NRCAM: variants seen among roughly 807,000 people sequenced by gnomAD.
NRCAM encodes the protein neuronal cell adhesion molecule.
A neutral mutation model predicts 156.5 loss-of-function variants in NRCAM; 83 were observed. The observed-to-expected ratio is 0.53, with a 90% CI of 0.44 to 0.64. The LOEUF is 0.64. Ranked by LOEUF, NRCAM falls within the 30% of genes least tolerant of loss-of-function variation. NRCAM has a pLI of 0.00. For missense variants in NRCAM, 1,417 were observed against 1,597.3 expected, an observed-to-expected ratio of 0.89 and a Z score of 1.92; for synonymous variants, 538 against 563.9, an observed-to-expected ratio of 0.95 and a Z score of 0.65.
At chr7:108,191,676 T>A in intron 18 of NRCAM, 53 bp downstream of exon 18, 1 of 1,542,412 alleles carries the variant, frequency 6.5e-7, no homozygotes, top group South Asian at 1.2e-5. Flanking sequence ...TTATTTTTTC[T>A]TTTCAACCAA....
At chr7:108,224,387 CA>C (rs1293182780) in intron 10 of NRCAM, among the ~76,000 whole-genome samples, 1 of 152,012 alleles carries the variant, frequency 6.6e-6, no homozygotes, top group Non-Finnish European at 1.5e-5. Context: ...GAGTTACTGA[CA>C]GAGGTCTTGC....
chr7:108,302,394 G>A (rs1049217486), intron 3 of NRCAM, among the ~76,000 whole-genome samples: 1 of 152,052 alleles, frequency 6.6e-6, no homozygotes, highest in Non-Finnish European at 1.5e-5. Flanking sequence ...TGGAGTCCCC[G>A]AGAAACCACT....
chr7:108,350,994 G>A (rs2099408350), intron 2 of NRCAM, among the ~76,000 whole-genome samples: 1 of 152,148 alleles, frequency 6.6e-6, no homozygotes. Flanking sequence ...GCACAGAATA[G>A]TTGCTTTATA....
chr7:108,387,695 C>G (rs1036469376), intron 2 of NRCAM, among the ~76,000 whole-genome samples: 1 of 151,678 alleles, frequency 6.6e-6, no homozygotes, highest in African/African-American at 2.4e-5. Flanking sequence ...GGTATATCTC[C>G]TAATGCTATC....
chr7:108,282,882 G>A (rs1206321293), intron 3 of NRCAM, among the ~76,000 whole-genome samples: 6 of 152,164 alleles, frequency 3.9e-5, no homozygotes, highest in Non-Finnish European at 1.5e-5. Context: ...GAGCCGCCTG[G>A]GGAGATTTGA....
intron 32 of NRCAM, among the ~76,000 whole-genome samples, chr7:108,153,653 T>C (rs1039401351): frequency 6.6e-6 from 1 of 152,156 alleles, no homozygotes; most frequent in African/African-American, 2.4e-5. Context: ...AAGCTATCAT[T>C]ATTCATAACT....
At chr7:108,274,149 A>C (rs2097494310) in intron 3 of NRCAM, among the ~76,000 whole-genome samples, 1 of 152,146 alleles carries the variant, frequency 6.6e-6, no homozygotes, top group South Asian at 2.1e-4. Context: ...GTAGCCTTGT[A>C]GTGTAGTTTG....
chr7:108,291,142 A>G (rs2154119891), intron 3 of NRCAM, among the ~76,000 whole-genome samples: 1 of 152,308 alleles, frequency 6.6e-6, no homozygotes, highest in East Asian at 1.9e-4. Context: ...ATTTCTGGGC[A>G]ACTCCTTCCT....
At chr7:108,151,102 C>T (rs1440429742) in intron 32 of NRCAM, among the ~76,000 whole-genome samples, 6 of 151,950 alleles carry the variant, frequency 3.9e-5, no homozygotes, top group African/African-American at 1.4e-4. Context: ...CTGTTGAACC[C>T]GTAAGCACAA....
chr7:108,447,879 A>G (rs1859767), intron 1 of NRCAM, among the ~76,000 whole-genome samples: 4 of 151,942 alleles, frequency 2.6e-5, no homozygotes, highest in Non-Finnish European at 5.9e-5. Flanking sequence ...TGAAGTGGAG[A>G]CTATTCTCCA....
chr7:108,249,038 C>G (rs1471281731), intron 3 of NRCAM, among the ~76,000 whole-genome samples: 2 of 152,146 alleles, frequency 1.3e-5, no homozygotes, highest in Non-Finnish European at 2.9e-5. Flanking sequence ...CCAGCTGCAT[C>G]TATGAATCAT....
intron 1 of NRCAM, among the ~76,000 whole-genome samples, chr7:108,426,717 A>T (rs1422283604): frequency 6.6e-6 from 1 of 152,238 alleles, no homozygotes; most frequent in African/African-American, 2.4e-5. Context: ...TTATCTCCAC[A>T]ACACAAAATA....
chr7:108,234,526 T>C (rs1033296720), intron 6 of NRCAM, 57 bp downstream of exon 6: 1 of 1,055,462 alleles, frequency 9.5e-7, no homozygotes, highest in Non-Finnish European at 1.5e-6. Flanking sequence ...ATTTCTCTAT[T>C]CAGAGAGATT....
At position 108,200,737 on chromosome 7, in the gene NRCAM, T is replaced by TACAC. The variant is rs61489479; in HGVS notation, c.1208-2642_1208-2639dup. The stretch of plus-strand genomic sequence containing the variant: ...ATCAATCAATGAGTGGATAAAGAAA[T>TACAC]ACACACACACACACACACACACACA... On this transcript the variant is annotated intron_variant, in intron 13 of 32. Coordinates refer to ENST00000379028, the MANE Select transcript of NRCAM (RefSeq NM_001037132.4). Among the ~76,000 whole-genome samples the TACAC allele has an allele frequency of 8.4e-3, 1,140 of 135,050 alleles. 14 individuals are homozygous for TACAC. The highest frequency in any genetic ancestry group is 0.02 in the Admixed American group (259 of 13,274). The allele number at this position is 135,050 out of a possible 152,430, so 88.6% of individuals were successfully genotyped here. A position where few individuals can be genotyped will look rare whatever the true frequency, so the allele number is the denominator to read the frequency against.
At chr7:108,250,516 T>C (rs1197533760) in intron 3 of NRCAM, among the ~76,000 whole-genome samples, 1 of 150,308 alleles carries the variant, frequency 6.7e-6, no homozygotes, top group Non-Finnish European at 1.5e-5. Context: ...ACACATCACA[T>C]GTTCTCACTT....
chr7:108,207,301 G>A (rs2081666421), intron 13 of NRCAM: 3 of 363,438 alleles, frequency 8.3e-6, no homozygotes, highest in Non-Finnish European at 1.5e-5. Context: ...ACGAAATATT[G>A]CCAAGTACCA....
chr7:108,345,349 G>T (rs1225724546), intron 2 of NRCAM, among the ~76,000 whole-genome samples: 2 of 152,146 alleles, frequency 1.3e-5, no homozygotes, highest in African/African-American at 4.8e-5. Flanking sequence ...CCCATGGGAA[G>T]TGTTTTGTCT....
chr7:108,351,221 G>T (rs1021114314), intron 2 of NRCAM, among the ~76,000 whole-genome samples: 4 of 152,160 alleles, frequency 2.6e-5, no homozygotes, highest in Non-Finnish European at 5.9e-5. Flanking sequence ...TCTGCCTTCT[G>T]CCAGGGGATA....
chr7:108,153,240 T>C (rs1299861552), intron 32 of NRCAM, among the ~76,000 whole-genome samples: 3 of 152,142 alleles, frequency 2.0e-5, no homozygotes, highest in African/African-American at 7.2e-5. Flanking sequence ...ATGAAAAAGA[T>C]AATATTTCAT....
Sources: gnomAD v4.1 joint callset for allele counts (sites outside exome capture counted in the v4.1 genomes callset) on GRCh38, gnomAD v4.1.1 for gene constraint, MANE v1.5 for transcripts, NCBI Gene and HGNC (gene_info 2026-07-23, HGNC 2026-07-21) for gene names.